The following PHF3 variants were observed in gnomAD, a reference collection of about 807,000 sequenced individuals.
The protein encoded by PHF3 is PHD finger protein 3.
Under a neutral mutation model 178.4 loss-of-function variants are expected in PHF3, and 41 were observed. That is an observed-to-expected ratio of 0.23 (90% CI 0.18 to 0.30). The LOEUF (loss-of-function observed/expected upper bound fraction) is 0.30. PHF3 is among the 10% of genes least tolerant of loss of function. The pLI is 1.00. For synonymous variants in PHF3, 842 were observed against 800.5 expected (o/e 1.05, Z -0.88); for missense variants, 2,346 against 2,398.1 (o/e 0.98, Z 0.45).
intron 2 of PHF3, among the ~76,000 whole-genome samples, chr6:63,670,731 G>A (rs1338244726): frequency 2.6e-5 from 4 of 152,158 alleles, no homozygotes; most frequent in African/African-American, 9.7e-5. Context: ...TATGTTTTAA[G>A]ACTGAATATT....
Position 63,721,559 on chromosome 6 carries a change from T to G in PHF3, c.*7851T>G. 6.4e-7 allele frequency: 1 copy of G among 1,551,828 alleles called. No homozygotes were observed. Among genetic ancestry groups the G allele is most frequent in the Middle Eastern group, 1.7e-4 (1 of 5,998 alleles). ...TTACAAGATTTAAAGAAGATACTCC[T>G]CCAATATAGAAGTCTGTATTTGTGT... On this transcript the variant is annotated 3_prime_UTR_variant, in exon 16 of 16. Transcript: ENST00000262043.
intron 2 of PHF3, among the ~76,000 whole-genome samples, chr6:63,678,305 A>G (rs1010395326): frequency 6.6e-6 from 1 of 152,166 alleles, no homozygotes; most frequent in African/African-American, 2.4e-5. Flanking sequence ...GTGGCAACCA[A>G]TATTCCATCA....
intron 2 of PHF3, among the ~76,000 whole-genome samples, chr6:63,648,092 A>G (rs1764867192): frequency 6.6e-6 from 1 of 152,212 alleles, no homozygotes; most frequent in Non-Finnish European, 1.5e-5. Flanking sequence ...GCTACTAGGA[A>G]GCTTCATTTT....
intron 2 of PHF3, among the ~76,000 whole-genome samples, chr6:63,656,029 T>C (rs1006888772): frequency 5.3e-5 from 8 of 152,332 alleles, no homozygotes; most frequent in Middle Eastern, 3.4e-3. Context: ...ATAACAAAAG[T>C]AACAATTGAA....
At chr6:63,648,043 A>G (rs1375693755) in intron 2 of PHF3, among the ~76,000 whole-genome samples, 1 of 152,160 alleles carries the variant, frequency 6.6e-6, no homozygotes, top group Non-Finnish European at 1.5e-5. Context: ...GTTGGCCCTT[A>G]AGTTTGCCAG....
At chr6:63,655,762 T>C (rs1284488099) in intron 2 of PHF3, among the ~76,000 whole-genome samples, 2 of 152,224 alleles carry the variant, frequency 1.3e-5, no homozygotes, top group South Asian at 2.1e-4. Flanking sequence ...TTATTTCTTA[T>C]GCTTTTTCTG....
intron 2 of PHF3, among the ~76,000 whole-genome samples, chr6:63,677,788 G>A (rs1004823540): frequency 6.6e-6 from 1 of 151,918 alleles, no homozygotes; most frequent in African/African-American, 2.4e-5. Flanking sequence ...TGAACAGTCT[G>A]TTGTGTTTTT....
At chr6:63,651,201 A>G (rs983048533) in intron 2 of PHF3, among the ~76,000 whole-genome samples, 25 of 152,172 alleles carry the variant, frequency 1.6e-4, no homozygotes, top group African/African-American at 6.0e-4. Context: ...GTTAATTTGC[A>G]TATTTATCAG....
rs1450217759 is a variant in PHF3, at chr6:63,722,932, ATG to A, written c.*9227_*9228del. On this transcript the variant is annotated 3_prime_UTR_variant, in exon 16 of 16. Coordinates refer to ENST00000262043, the MANE Select transcript of PHF3 (RefSeq NM_001370348.2). ...TAGTGAGTATACTATGTCGTTACAT[ATG>A]TGATATTTGGTTAACAGCTGCTTTA... Among the ~76,000 whole-genome samples, 3 of 152,206 alleles carry A rather than the reference ATG, an allele frequency of 2.0e-5. No individual in the cohort carries two copies. Among genetic ancestry groups the A allele is most frequent in the African/African-American group, 7.2e-5 (3 of 41,460 alleles).
In PHF3 at chr6:63,687,641, T is replaced by C. The variant is rs748836072; in HGVS notation, c.2189+1730T>C. On this transcript the variant is annotated intron_variant, in intron 4 of 15. Transcript: ENST00000262043. The stretch of plus-strand genomic sequence containing the variant: ...AACTTTGGCATAGAGTTGGAAGCCA[T>C]GTTAGTAAGTTATAATGTAACGTAC... Among the ~76,000 whole-genome samples the C allele has an allele frequency of 1.4e-4, 22 of 152,350 alleles. No individual in the cohort carries two copies. In the Middle Eastern group the frequency reaches 0.01, roughly 71 times the overall value.
At chr6:63,673,742 T>A (rs1246713258) in intron 2 of PHF3, among the ~76,000 whole-genome samples, 1 of 152,134 alleles carries the variant, frequency 6.6e-6, no homozygotes, top group Non-Finnish European at 1.5e-5. Flanking sequence ...AGCATCCCAA[T>A]ACCTTACAAC....
In PHF3 at chr6:63,712,480, G is replaced by C; in HGVS notation, c.4892G>C (p.Cys1631Ser). The change falls in exon 16 of 16, where the codon TGT becomes TCT. Residue 1631 changes from cysteine (C) to serine (S), a missense_variant. Coordinates refer to ENST00000262043, the MANE Select transcript of PHF3 (RefSeq NM_001370348.2). Reference sequence around the variant, plus strand: ...GGAAACATAGATGGTAATGTGAGCTGTAGTGAAAACCTTGTTGCTAATACA... The same window carrying C: ...GGAAACATAGATGGTAATGTGAGCTCTAGTGAAAACCTTGTTGCTAATACA... ...GKGNIDGNVS[C>S]SENLVANTAR... The C allele has an allele frequency of 1.2e-6, 2 of 1,613,946 alleles. No individual in the cohort carries two copies. Among genetic ancestry groups the C allele is most frequent in the Non-Finnish European group, 1.7e-6 (2 of 1,179,924 alleles).
At chr6:63,700,530 A>C (rs1217779288) in intron 9 of PHF3, 64 bp downstream of exon 9, 2 of 855,972 alleles carry the variant, frequency 2.3e-6, no homozygotes, top group Non-Finnish European at 3.9e-6. Flanking sequence ...ATTGGGTAAA[A>C]ATTATACAGA....
Position 63,635,836 on chromosome 6 carries a change from C to A in PHF3, c.-340C>A. The A allele has an allele frequency of 2.5e-6, 1 of 396,030 alleles. No individual in the cohort carries two copies. Among genetic ancestry groups the A allele is most frequent in the South Asian group, 1.3e-4 (1 of 7,744 alleles). 24.5% of individuals were successfully genotyped at this position (396,030 alleles called of 1,614,324 possible). A position where few individuals can be genotyped will look rare whatever the true frequency, so the allele number is the denominator to read the frequency against. On this transcript the variant is annotated 5_prime_UTR_variant, in exon 1 of 16. Coordinates refer to ENST00000262043, the MANE Select transcript of PHF3 (RefSeq NM_001370348.2). Reference sequence around the variant, plus strand: ...ACGTGACACGGCCCCTCTCCAGCTCCCGCGCCGCCGCCGCACGCCGATGGC... The same window carrying A: ...ACGTGACACGGCCCCTCTCCAGCTCACGCGCCGCCGCCGCACGCCGATGGC...
At position 63,713,135 on chromosome 6, in the gene PHF3, A is replaced by G. The variant is rs759695628; in HGVS notation, c.5547A>G (p.Gln1849=). The G allele has an allele frequency of 3.1e-6, 5 of 1,613,980 alleles. No individual in the cohort carries two copies. Among genetic ancestry groups the G allele is most frequent in the Middle Eastern group, 1.7e-4 (1 of 6,060 alleles). The change falls in exon 16 of 16, where the codon CAA becomes CAG. Residue 1849 remains glutamine, a synonymous_variant. Transcript: ENST00000262043. ...CCCCTCCAGGCTTTGGCTTTGCTCA[A>G]AATCCCATGGTTCCCTGGCCACCTG... The part of the protein sequence containing the change: ...LLPPPGFGFA[Q]NPMVPWPPVV...
intron 6 of PHF3, among the ~76,000 whole-genome samples, chr6:63,696,579 C>T (rs566706176): frequency 6.6e-6 from 1 of 152,296 alleles, no homozygotes; most frequent in African/African-American, 2.4e-5. Flanking sequence ...TTTGGCCTCT[C>T]AAGGTGCTGG....
At chr6:63,664,634 AATT>A (rs1408135475) in intron 2 of PHF3, among the ~76,000 whole-genome samples, 1 of 152,114 alleles carries the variant, frequency 6.6e-6, no homozygotes, top group African/African-American at 2.4e-5. Flanking sequence ...ATACTTTTCA[AATT>A]ATTAACTAAA....
At chr6:63,710,921 C>T (rs1767897820) in intron 14 of PHF3, among the ~76,000 whole-genome samples, 1 of 152,156 alleles carries the variant, frequency 6.6e-6, no homozygotes, top group Non-Finnish European at 1.5e-5. Context: ...CACCTTTGGA[C>T]TCCATTTCTT....
intron 2 of PHF3, among the ~76,000 whole-genome samples, chr6:63,647,420 A>G (rs1236671576): frequency 6.6e-6 from 1 of 152,206 alleles, no homozygotes. Flanking sequence ...GTGCTATAAA[A>G]TGCACATTAG....
Sources: allele counts gnomAD v4.1 joint callset (sites outside exome capture counted in the v4.1 genomes callset), GRCh38; gene constraint gnomAD v4.1.1; transcripts MANE v1.5; gene names NCBI Gene and HGNC (gene_info 2026-07-23, HGNC 2026-07-21).